Variants in SNX29 observed in about 807,000 individuals in gnomAD.
SNX29 encodes sorting nexin 29, also known as sorting nexin-29.
In SNX29, 78 loss-of-function variants were observed where a neutral mutation model predicts 102.1. The observed-to-expected ratio is 0.76, with a 90% CI of 0.64 to 0.92. The LOEUF (loss-of-function observed/expected upper bound fraction) is 0.92. SNX29 is among the 40% of genes least tolerant of loss of function. SNX29 has a pLI of 0.00. For synonymous variants in SNX29, 580 were observed against 414.5 expected (o/e 1.40, Z -4.85); for missense variants, 1,280 against 1,061.7 (o/e 1.21, Z -2.86).
chr16:12,196,205 A>G (rs1041381417), intron 13 of SNX29, among the ~76,000 whole-genome samples: 1 of 151,936 alleles, frequency 6.6e-6, no homozygotes, highest in Non-Finnish European at 1.5e-5. Flanking sequence ...CCTGGGCTCA[A>G]GTAATTGGCC....
At chr16:12,320,739 T>C (rs945674868) in intron 15 of SNX29, among the ~76,000 whole-genome samples, 1 of 152,170 alleles carries the variant, frequency 6.6e-6, no homozygotes, top group Admixed American at 6.5e-5. Context: ...GAGAACAACA[T>C]CACCATGCAT....
At position 12,043,002 on chromosome 16, in the gene SNX29, G is replaced by A; in HGVS notation, c.353G>A (p.Trp118Ter). 1.2e-6 allele frequency: 2 copies of A among 1,613,682 alleles called. No individual in the cohort carries two copies. Among genetic ancestry groups the A allele is most frequent in the Non-Finnish European group, 1.7e-6 (2 of 1,179,866 alleles). ...TCAGACGTGGGCCGGGGTCGCGCCT[G>A]GCTGCGCTGTGCCCTCAACGAACAC... ...IASDVGRGRAWLRCALNEHSL... is the reference protein window; with the variant it reads ...IASDVGRGRA Residue 118 changes from tryptophan (W) to a stop codon, truncating the protein, a stop_gained, in exon 5 of 21, where the codon TGG (tryptophan) becomes TAG (stop). Transcript: ENST00000566228. LOFTEE classifies it high-confidence loss of function.
chr16:12,518,843 T>A (rs1207839831), intron 19 of SNX29, among the ~76,000 whole-genome samples: 5 of 152,130 alleles, frequency 3.3e-5, no homozygotes, highest in Non-Finnish European at 7.4e-5. Flanking sequence ...TTCGCTGCAT[T>A]CCCACAGAGC....
At chr16:12,142,008 A>T (rs935223836) in intron 13 of SNX29, among the ~76,000 whole-genome samples, 8 of 152,166 alleles carry the variant, frequency 5.3e-5, no homozygotes, top group Non-Finnish European at 8.8e-5. Context: ...AATAGCACTC[A>T]TCATCCTCGT....
At chr16:12,222,554 T>G (rs2077505292) in intron 14 of SNX29, among the ~76,000 whole-genome samples, 1 of 152,142 alleles carries the variant, frequency 6.6e-6, no homozygotes, top group Non-Finnish European at 1.5e-5. Flanking sequence ...TGGGTGAAGC[T>G]TCACAGTTTG....
rs36212472 is a variant in SNX29 at position 12,125,605 on chromosome 16, CTT to C, written c.1403-993_1403-992del. On this transcript the variant is annotated intron_variant, in intron 11 of 20. Coordinates refer to ENST00000566228, the MANE Select transcript of SNX29 (RefSeq NM_032167.5). ...AGGGGGGCTTGTGGCTGAGATCTCT[CTT>C]TTTTTTTTTTTTTTTTTTTTTTTTT... is the stretch of plus-strand genomic sequence containing the variant. Among the ~76,000 whole-genome samples, 45 of 45,404 alleles carry C rather than the reference CTT, an allele frequency of 9.9e-4. 1 individual carries two copies. The highest frequency in any genetic ancestry group is 1.4e-3 in the Admixed American group (5 of 3,556). The allele number at this position is 45,404 out of a possible 152,430, so 29.8% of individuals were successfully genotyped here.
At chr16:12,057,667 C>T (rs543386987) in intron 8 of SNX29, among the ~76,000 whole-genome samples, 3 of 152,054 alleles carry the variant, frequency 2.0e-5, no homozygotes, top group Non-Finnish European at 2.9e-5. Flanking sequence ...CACAGGGGGA[C>T]GGTTAACAGC....
chr16:12,194,430 A>G (rs905146669), intron 13 of SNX29, among the ~76,000 whole-genome samples: 4 of 151,954 alleles, frequency 2.6e-5, no homozygotes, highest in East Asian at 1.9e-4. Flanking sequence ...GTGAAGAGGG[A>G]AAGTTTTAGT....
chr16:12,502,385 A>G (rs765710502), intron 19 of SNX29, among the ~76,000 whole-genome samples: 4 of 152,102 alleles, frequency 2.6e-5, no homozygotes, highest in Admixed American at 6.5e-5. Flanking sequence ...GATTCGGGGA[A>G]TGGCTTCAGA....
At chr16:12,188,393 C>G (rs1739186558) in intron 13 of SNX29, among the ~76,000 whole-genome samples, 1 of 152,144 alleles carries the variant, frequency 6.6e-6, no homozygotes, top group African/African-American at 2.4e-5. Context: ...AAAGCAAACA[C>G]TTTTTAATGG....
chr16:12,556,900 T>A (rs572575676), intron 20 of SNX29, among the ~76,000 whole-genome samples: 1 of 151,556 alleles, frequency 6.6e-6, no homozygotes, highest in South Asian at 2.1e-4. Flanking sequence ...TCTCCTCACC[T>A]TGAGTGTAGT....
intron 13 of SNX29, chr16:12,135,543 G>A: frequency 2.3e-6 from 3 of 1,323,968 alleles, no homozygotes; most frequent in Non-Finnish European, 3.0e-6. Flanking sequence ...TTGCTATTTT[G>A]TTGGCAGCTA....
At chr16:12,223,926 C>T (rs1056790746) in intron 14 of SNX29, among the ~76,000 whole-genome samples, 9 of 152,100 alleles carry the variant, frequency 5.9e-5, no homozygotes, top group African/African-American at 1.4e-4. Flanking sequence ...GTTGGACATA[C>T]GAAGAAACGT....
intron 11 of SNX29, among the ~76,000 whole-genome samples, chr16:12,097,412 G>A (rs188608113): frequency 1.2e-4 from 18 of 152,310 alleles, no homozygotes; most frequent in African/African-American, 3.4e-4. Context: ...ATTTCAGGCC[G>A]ACTTCCCGCA....
In SNX29 at chr16:12,496,650, A is replaced by T. The variant is rs555788681; in HGVS notation, c.2178+18791A>T. 7.9e-5 allele frequency among the ~76,000 whole-genome samples: 12 copies of T among 151,888 alleles called. No homozygotes were observed. In the East Asian group the frequency reaches 1.9e-3, roughly 25 times the overall value. On this transcript the variant is annotated intron_variant, in intron 19 of 20. Transcript: ENST00000566228. ...GTCAGCCTCCAGAGTTGCTAGGATT[A>T]CAGGCACCTGCCACCATGCCTGGCT...
intron 15 of SNX29, 42 bp downstream of exon 15, chr16:12,278,078 G>T: frequency 6.5e-7 from 1 of 1,538,282 alleles, no homozygotes; most frequent in East Asian, 2.4e-5. Context: ...TCTGATGTTG[G>T]CTGCGTTGGA....
intron 14 of SNX29, among the ~76,000 whole-genome samples, chr16:12,275,991 T>C (rs1376576771): frequency 6.6e-6 from 1 of 151,008 alleles, no homozygotes; most frequent in Non-Finnish European, 1.5e-5. Flanking sequence ...CTCCCTGGTT[T>C]AAGTGACTCT....
intron 19 of SNX29, among the ~76,000 whole-genome samples, chr16:12,507,456 T>G (rs939083081): frequency 2.0e-5 from 3 of 152,248 alleles, no homozygotes; most frequent in African/African-American, 7.2e-5. Context: ...AGCTAGCTGC[T>G]GTAACAGATT....
intron 13 of SNX29, among the ~76,000 whole-genome samples, chr16:12,160,648 G>C (rs776956133): frequency 6.6e-6 from 1 of 152,242 alleles, no homozygotes; most frequent in South Asian, 2.1e-4. Flanking sequence ...TGTTGTTGTT[G>C]TTGTACAGTC....
Sources: gnomAD v4.1 joint callset for allele counts (sites outside exome capture counted in the v4.1 genomes callset) on GRCh38, gnomAD v4.1.1 for gene constraint, MANE v1.5 for transcripts, NCBI Gene and HGNC (gene_info 2026-07-23, HGNC 2026-07-21) for gene names.